Variants in NLRP4 observed in about 807,000 individuals in gnomAD.
NLRP4 encodes NLR family pyrin domain containing 4.
In NLRP4, 44 loss-of-function variants were observed where a neutral mutation model predicts 84.7. That is an observed-to-expected ratio of 0.52 (90% CI 0.41 to 0.67). NLRP4 has a LOEUF of 0.67. Among genes scored for constraint, NLRP4 ranks in the 30% least tolerant of loss-of-function variants. The pLI, the probability that NLRP4 is intolerant of heterozygous loss-of-function variation, is 0.00. For missense variants in NLRP4, 1,260 were observed against 1,219.4 expected, an observed-to-expected ratio of 1.03 and a Z score of -0.50; for synonymous variants, 544 against 476.4, an observed-to-expected ratio of 1.14 and a Z score of -1.85.
At chr19:55,838,684 C>G (rs2122987072) in intron 1 of NLRP4, among the ~76,000 whole-genome samples, 1 of 152,146 alleles carries the variant, frequency 6.6e-6, no homozygotes, top group East Asian at 1.9e-4. Context: ...ATATGGTGTC[C>G]CTCTACTCTT....
chr19:55,849,144 G>A (rs1438495179), intron 1 of NLRP4, among the ~76,000 whole-genome samples: 1 of 152,082 alleles, frequency 6.6e-6, no homozygotes, highest in Non-Finnish European at 1.5e-5. Context: ...CTCCTTAAAG[G>A]GGAAGAATCC....
In NLRP4 at chr19:55,857,299, T is replaced by C. The variant is rs190457780; in HGVS notation, c.281-375T>C. 2.0e-3 allele frequency: 685 copies of C among 335,002 alleles called. 5 individuals are homozygous for C. The highest frequency in any genetic ancestry group is 0.013 in the African/African-American group (622 of 47,044). The allele number at this position is 335,002 out of a possible 1,614,324, so 20.8% of individuals were successfully genotyped here. A position where few individuals can be genotyped will look rare whatever the true frequency, so the allele number is the denominator to read the frequency against. ...GTGTGTGTCTATTGAAAGCAGAAGT[T>C]GTCAAACTTTACGTAGTAGCAATGA... On this transcript the variant is annotated intron_variant, in intron 2 of 9. Coordinates refer to ENST00000301295, the MANE Select transcript of NLRP4 (RefSeq NM_134444.5).
chr19:55,843,533 A>G (rs1252217941), intron 1 of NLRP4, among the ~76,000 whole-genome samples: 1 of 151,984 alleles, frequency 6.6e-6, no homozygotes, highest in Non-Finnish European at 1.5e-5. Context: ...TCTACTAAAA[A>G]TACAAAAAAT....
At chr19:55,859,541 G>A (rs563507779) in intron 3 of NLRP4, among the ~76,000 whole-genome samples, 1 of 152,212 alleles carries the variant, frequency 6.6e-6, no homozygotes, top group South Asian at 2.1e-4. Context: ...TCAAGTATTA[G>A]CTGATCAGTA....
At chr19:55,865,799 GTTCT>G (rs1191785483) in intron 5 of NLRP4, among the ~76,000 whole-genome samples, 1 of 151,994 alleles carries the variant, frequency 6.6e-6, no homozygotes, top group East Asian at 1.9e-4. Context: ...AGTTGTAAGT[GTTCT>G]TTATGTTTTC....
intron 2 of NLRP4, 121 bp downstream of exon 2, chr19:55,852,481 T>TG: frequency 1.6e-6 from 1 of 617,644 alleles, no homozygotes; most frequent in East Asian, 3.2e-5. Context: ...ATTAGGTTTT[T>TG]TTTTTTTTTT....
In NLRP4 at chr19:55,842,042, A is replaced by G. The variant is rs968670810; in HGVS notation, c.-66+5108A>G. On this transcript the variant is annotated intron_variant, in intron 1 of 9. Coordinates refer to ENST00000301295, the MANE Select transcript of NLRP4 (RefSeq NM_134444.5). ...TTCCATAGTGGTTCTGCTAACTTAC[A>G]TTCCTACCAATGGTGTGTAAGAGTT... 3.9e-5 allele frequency among the ~76,000 whole-genome samples: 6 copies of G among 152,204 alleles called. No homozygotes were observed. The East Asian group carries it at 1.2e-3, about 29-fold the overall frequency.
At chr19:55,859,537 A>G (rs1336302564) in intron 3 of NLRP4, among the ~76,000 whole-genome samples, 1 of 152,186 alleles carries the variant, frequency 6.6e-6, no homozygotes, top group Non-Finnish European at 1.5e-5. Flanking sequence ...TTTCTCAAGT[A>G]TTAGCTGATC....
chr19:55,858,214 C>A lies in NLRP4; in HGVS notation c.821C>A (p.Ser274Tyr), dbSNP rs1367894449. 1.2e-6 allele frequency: 2 copies of A among 1,614,158 alleles called. No homozygotes were observed. Among genetic ancestry groups the A allele is most frequent in the Non-Finnish European group, 1.7e-6 (2 of 1,180,018 alleles). ...AGGAAGAAGATGCTCCCGGAGGCCT[C>A]CCTGCTCATCGCTATCAAACCCGTG... is the stretch of plus-strand genomic sequence containing the variant. ...LLRKKMLPEASLLIAIKPVCP... is the reference protein window; with the variant it reads ...LLRKKMLPEAYLLIAIKPVCP... Residue 274 changes from serine (S) to tyrosine (Y), a missense_variant, in exon 3 of 10, where the codon TCC (serine) becomes TAC (tyrosine). Physicochemically the swap from Ser to Tyr is moderately radical, Grantham distance 144. This residue lies in a region of NLRP4 where 712 missense variants were observed against 669.2 expected (regional missense o/e 1.06). Coordinates refer to ENST00000301295, the MANE Select transcript of NLRP4 (RefSeq NM_134444.5). The surrounding 1 kb of genome is among the most constrained non-coding windows in gnomAD (Gnocchi z 4.2).
chr19:55,850,407 G>T (rs76713195), intron 1 of NLRP4, among the ~76,000 whole-genome samples: 16 of 39,958 alleles, frequency 4.0e-4, no homozygotes, highest in Non-Finnish European at 6.0e-4. Flanking sequence ...GCGGTGTAAT[G>T]TCCGTGGCTG....
chr19:55,881,571 C>T lies in NLRP4; in HGVS notation c.2969C>T (p.Thr990Ile), dbSNP rs1295092630. 9 of 1,572,522 alleles carry T rather than the reference C, an allele frequency of 5.7e-6. No homozygotes were observed. The highest frequency in any genetic ancestry group is 1.3e-5 in the African/African-American group (1 of 74,324). ...ATCACAGACGACTGTGACACAATCACAAGGGTAGAGATCTGATTGCGAGGA... is the reference window on the plus strand; with the variant it reads ...ATCACAGACGACTGTGACACAATCATAAGGGTAGAGATCTGATTGCGAGGA... ...LTITDDCDTI[T>I]RVEI The change falls in exon 10 of 10, where the codon ACA becomes ATA. Residue 990 changes from threonine (T) to isoleucine (I), a missense_variant. Coordinates refer to ENST00000301295, the MANE Select transcript of NLRP4 (RefSeq NM_134444.5).
chr19:55,871,559 A>G (rs1480731469), intron 7 of NLRP4, among the ~76,000 whole-genome samples: 1 of 152,234 alleles, frequency 6.6e-6, no homozygotes, highest in Non-Finnish European at 1.5e-5. Flanking sequence ...TTTTAGAATT[A>G]CCAGTTAGGA....
At chr19:55,863,999 T>A (rs1984861451) in intron 5 of NLRP4, among the ~76,000 whole-genome samples, 1 of 152,144 alleles carries the variant, frequency 6.6e-6, no homozygotes, top group African/African-American at 2.4e-5. Context: ...AAACCCTTTT[T>A]TAAAAAATAA....
chr19:55,856,646 G>A (rs1984431834), intron 2 of NLRP4, among the ~76,000 whole-genome samples: 1 of 151,114 alleles, frequency 6.6e-6, no homozygotes, highest in African/African-American at 2.4e-5. Context: ...CTCCCAAGTA[G>A]CTGGGACTAC....
chr19:55,879,102 C>A, intron 9 of NLRP4, 138 bp downstream of exon 9: 1 of 639,290 alleles, frequency 1.6e-6, no homozygotes, highest in Non-Finnish European at 2.7e-6. Context: ...GGAGTAAGAA[C>A]CAAGCAGGTG....
chr19:55,855,594 A>C (rs1047124279), intron 2 of NLRP4, among the ~76,000 whole-genome samples: 3 of 152,240 alleles, frequency 2.0e-5, no homozygotes, highest in African/African-American at 7.2e-5. Context: ...TACTGTCAGC[A>C]GTCTGTGGGC....
At chr19:55,847,160 G>A (rs965307409) in intron 1 of NLRP4, among the ~76,000 whole-genome samples, 4 of 151,958 alleles carry the variant, frequency 2.6e-5, no homozygotes, top group Admixed American at 2.0e-4. Flanking sequence ...TTTGAGGGGG[G>A]GGCAGCAACA....
chr19:55,845,605 G>T (rs1023794762), intron 1 of NLRP4, among the ~76,000 whole-genome samples: 2 of 151,920 alleles, frequency 1.3e-5, no homozygotes, highest in East Asian at 1.9e-4. Context: ...TCACCACACC[G>T]ACTTCCACAA....
chr19:55,872,954 C>G (rs182657984), intron 7 of NLRP4, among the ~76,000 whole-genome samples: 2 of 152,060 alleles, frequency 1.3e-5, no homozygotes, highest in African/African-American at 4.8e-5. Flanking sequence ...AGGAGACAGA[C>G]TTGGGTGAAG....
Sources: gnomAD v4.1 joint callset for allele counts (sites outside exome capture counted in the v4.1 genomes callset) on GRCh38, gnomAD v4.1.1 for gene constraint, gnomAD v4.1.1 regional missense constraint, Gnocchi (gnomAD v3.1) non-coding constraint, MANE v1.5 for transcripts, NCBI Gene and HGNC (gene_info 2026-07-23, HGNC 2026-07-21) for gene names.